TRPC5: variants seen among roughly 807,000 people sequenced by gnomAD.
TRPC5 encodes the protein short transient receptor potential channel 5.
Under a neutral mutation model 56.5 loss-of-function variants are expected in TRPC5, and 9 were observed. That is an observed-to-expected ratio of 0.16 (90% CI 0.10 to 0.28). TRPC5 has a LOEUF of 0.28. Among genes scored for constraint, TRPC5 ranks in the 10% least tolerant of loss-of-function variants. The probability of loss-of-function intolerance (pLI) is 1.00; values close to 1 mark genes in which losing one functional copy is unlikely to be tolerated. For missense variants in TRPC5, 469 were observed against 748.9 expected (o/e 0.63, Z 4.36); for synonymous variants, 282 against 278.5 (o/e 1.01, Z -0.13).
At chrX:111,777,745 C>G (rs984919438) in intron 10 of TRPC5, among the ~76,000 whole-genome samples, 7 of 112,114 alleles carry the variant, frequency 6.2e-5, no homozygotes, top group African/African-American at 1.3e-4. Context: ...ATGCTGTTCT[C>G]TCTGTCTAGA....
chrX:111,817,323 A>ATTTT (rs148024546), intron 7 of TRPC5, among the ~76,000 whole-genome samples: 3 of 82,933 alleles, frequency 3.6e-5, no homozygotes, highest in African/African-American at 9.6e-5. Context: ...CTCTTATCTG[A>ATTTT]TTTTTTTTTT....
At chrX:111,821,808 C>CA (rs1338665595) in intron 7 of TRPC5, among the ~76,000 whole-genome samples, 1 of 112,030 alleles carries the variant, frequency 8.9e-6, no homozygotes, top group Non-Finnish European at 1.9e-5. Flanking sequence ...GACTTGTCTA[C>CA]AAATGTTTGT....
At chrX:112,062,752 G>A (rs1428547196) in intron 1 of TRPC5, among the ~76,000 whole-genome samples, 1 of 111,728 alleles carries the variant, frequency 9.0e-6, no homozygotes, top group African/African-American at 3.3e-5. Context: ...AAGGTCCATG[G>A]GAAAAGGGTT....
At chrX:112,059,471 C>T (rs912429570) in intron 1 of TRPC5, among the ~76,000 whole-genome samples, 2 of 111,924 alleles carry the variant, frequency 1.8e-5, no homozygotes, top group African/African-American at 3.2e-5. Context: ...AGATTCTTGA[C>T]GTAAAACCCA....
intron 1 of TRPC5, among the ~76,000 whole-genome samples, chrX:111,986,547 A>G (rs1280191431): frequency 4.5e-5 from 5 of 110,705 alleles, no homozygotes; most frequent in African/African-American, 6.6e-5. Context: ...CTGCACAGCA[A>G]CTGCCTCAGG....
At chrX:112,051,557 A>C (rs1483741700) in intron 1 of TRPC5, among the ~76,000 whole-genome samples, 1 of 112,158 alleles carries the variant, frequency 8.9e-6, no homozygotes, top group Non-Finnish European at 1.9e-5. Flanking sequence ...ATGAGAAAAA[A>C]AAAATGTCTT....
At chrX:111,940,454 G>C (rs777615746) in intron 2 of TRPC5, among the ~76,000 whole-genome samples, 8 of 111,297 alleles carry the variant, frequency 7.2e-5, no homozygotes, top group African/African-American at 2.6e-4. Flanking sequence ...ACTTTGGGAG[G>C]CTGAGGTGGG....
intron 1 of TRPC5, among the ~76,000 whole-genome samples, chrX:111,987,498 C>A (rs972343105): frequency 2.7e-5 from 3 of 110,844 alleles, no homozygotes; most frequent in Non-Finnish European, 3.8e-5. Flanking sequence ...ACCTTTGTAC[C>A]TTTTGACCTT....
intron 7 of TRPC5, among the ~76,000 whole-genome samples, chrX:111,822,579 C>T (rs990716755): frequency 4.5e-5 from 5 of 111,605 alleles, no homozygotes; most frequent in African/African-American, 1.6e-4. Context: ...TTGGACAGTC[C>T]ATGTAGACTC....
At position 111,947,364 on chromosome X, in the gene TRPC5, T is replaced by C. The variant is rs776838884; in HGVS notation, c.378+4679A>G. 9.9e-5 allele frequency among the ~76,000 whole-genome samples: 11 copies of C among 111,291 alleles called. No individual in the cohort carries two copies. In the East Asian group the frequency reaches 3.1e-3, roughly 31 times the overall value. On this transcript the variant is annotated intron_variant, in intron 2 of 10. Coordinates refer to ENST00000262839, the MANE Select transcript of TRPC5 (RefSeq NM_012471.3). ...TTTATTTATTTATTTTGAGACAGAG[T>C]GTCTCTCTGCCACCCAGGCTGGAGT...
rs188828222 is a variant in TRPC5 at position 111,769,701 on chromosome X, C to A, written c.*6612G>T. ...GGTCCCTTACAAATCCCACAAGAGA[C>A]AATCTCATTATTTTATAATTGCACC... On this transcript the variant is annotated 3_prime_UTR_variant, in exon 11 of 11. Coordinates refer to ENST00000262839, the MANE Select transcript of TRPC5 (RefSeq NM_012471.3). 3.8e-4 allele frequency among the ~76,000 whole-genome samples: 43 copies of A among 111,931 alleles called. No homozygotes were observed. Among genetic ancestry groups the A allele is most frequent in the African/African-American group, 1.3e-3 (41 of 30,884 alleles).
At chrX:111,892,352 G>C (rs1292475074) in intron 3 of TRPC5, among the ~76,000 whole-genome samples, 3 of 112,126 alleles carry the variant, frequency 2.7e-5, no homozygotes, top group Non-Finnish European at 5.6e-5. Context: ...TTATTATCTT[G>C]TCTCAATGAC....
In TRPC5 at chrX:111,769,468, G is replaced by T. The variant is rs1168083402; in HGVS notation, c.*6845C>A. ...ACTGCTCCAAGCATAATTGAAACTA[G>T]ATTCCAGGATACAAAGGAGAACAAG... On this transcript the variant is annotated 3_prime_UTR_variant, in exon 11 of 11. Coordinates refer to ENST00000262839, the MANE Select transcript of TRPC5 (RefSeq NM_012471.3). Among the ~76,000 whole-genome samples the T allele has an allele frequency of 1.8e-5, 2 of 111,579 alleles. No individual in the cohort carries two copies. The highest frequency in any genetic ancestry group is 3.8e-5 in the Non-Finnish European group (2 of 53,112).
At position 111,876,829 on chromosome X, in the gene TRPC5, G is replaced by A. The variant is rs559602091; in HGVS notation, c.901-22723C>T. On this transcript the variant is annotated intron_variant, in intron 3 of 10. Coordinates refer to ENST00000262839, the MANE Select transcript of TRPC5 (RefSeq NM_012471.3). The stretch of plus-strand genomic sequence containing the variant: ...CCTGGCTTCTCAAGGGTATGGTGGT[G>A]GTTTTTGTTTTGTTTTGATTTTCCC... 1.5e-4 allele frequency among the ~76,000 whole-genome samples: 17 copies of A among 111,368 alleles called. No individual in the cohort carries two copies. The South Asian group carries it at 5.8e-3, about 38-fold the overall frequency.
At chrX:111,935,222 T>C (rs202072023) in intron 2 of TRPC5, among the ~76,000 whole-genome samples, 1 of 112,392 alleles carries the variant, frequency 8.9e-6, no homozygotes, top group East Asian at 2.8e-4. Context: ...TGATCAATGA[T>C]GTTGAGCACC....
At chrX:111,943,400 C>T (rs969717098) in intron 2 of TRPC5, among the ~76,000 whole-genome samples, 12 of 112,025 alleles carry the variant, frequency 1.1e-4, no homozygotes, top group South Asian at 3.8e-4. Context: ...ACTGTGTAAT[C>T]TCAGTCTGAG....
chrX:111,938,960 T>C (rs1004152519), intron 2 of TRPC5, among the ~76,000 whole-genome samples: 12 of 112,106 alleles, frequency 1.1e-4, no homozygotes, highest in Non-Finnish European at 1.7e-4. Context: ...ATAGCAGTCA[T>C]GAAAGTGGGC....
chrX:112,007,170 C>T (rs1011190142), intron 1 of TRPC5, among the ~76,000 whole-genome samples: 5 of 111,199 alleles, frequency 4.5e-5, no homozygotes, highest in Non-Finnish European at 7.5e-5. Flanking sequence ...CCTCTCTCAC[C>T]TCCCAACTTC....
chrX:111,907,550 G>A (rs1241796368), intron 3 of TRPC5, among the ~76,000 whole-genome samples: 1 of 109,903 alleles, frequency 9.1e-6, no homozygotes, highest in Non-Finnish European at 1.9e-5. Flanking sequence ...GCTTGAACCT[G>A]GGAGACGGAG....
Sources: allele counts gnomAD v4.1 joint callset (sites outside exome capture counted in the v4.1 genomes callset), GRCh38; gene constraint gnomAD v4.1.1; transcripts MANE v1.5; gene names NCBI Gene and HGNC (gene_info 2026-07-23, HGNC 2026-07-21).